The following CFAP96 variants were observed in gnomAD, a reference collection of about 807,000 sequenced individuals.
The protein encoded by CFAP96 is cilia-and flagella-associated protein 96.
At chr4:185,408,503 C>G in the CFAP96 span, 10 of 1,459,300 alleles carry the variant, frequency 6.9e-6, no homozygotes, top group Non-Finnish European at 9.4e-6. Flanking sequence ...ATATATGCTC[C>G]CGAATTATGT....
chr4:185,414,162 CAT>C, the CFAP96 span, among the ~76,000 whole-genome samples: 3 of 152,132 alleles, frequency 2.0e-5, no homozygotes, highest in Non-Finnish European at 2.9e-5. Context: ...TTTATTACAA[CAT>C]AGTCTGTTAA....
the CFAP96 span, among the ~76,000 whole-genome samples, chr4:185,440,016 C>A: frequency 9.1e-6 from 1 of 109,750 alleles, no homozygotes; most frequent in Non-Finnish European, 1.9e-5. Context: ...TATAGATAAT[C>A]TCATATATAC....
At chr4:185,440,577 C>A in the CFAP96 span, 3 of 1,533,986 alleles carry the variant, frequency 2.0e-6, no homozygotes, top group Non-Finnish European at 2.6e-6. Context: ...CTTAAAGGAG[C>A]ACCATTTAAG....
the CFAP96 span, among the ~76,000 whole-genome samples, chr4:185,427,289 G>C: frequency 8.1e-4 from 124 of 152,318 alleles, 1 homozygote; most frequent in Admixed American, 3.9e-3. Flanking sequence ...TGGTTTTAAA[G>C]CATCTCTGAT....
At chr4:185,425,884 G>C in the CFAP96 span, 2 of 1,600,512 alleles carry the variant, frequency 1.2e-6, no homozygotes, top group Non-Finnish European at 1.7e-6. Context: ...CGACGTGGCG[G>C]TGACACGGGC....
At chr4:185,439,813 A>ACT in the CFAP96 span, among the ~76,000 whole-genome samples, 125,061 of 147,394 alleles carry the variant, frequency 0.85, 53,962 homozygotes, top group East Asian at 0.99. Context: ...ATATACATAT[A>ACT]CTCATATATG....
At chr4:185,449,539 G>A in the CFAP96 span, 1 of 1,053,988 alleles carries the variant, frequency 9.5e-7, no homozygotes, top group Non-Finnish European at 1.4e-6. Flanking sequence ...AAAAAAGAAT[G>A]TACAGGTATT....
At chr4:185,422,475 G>T in the CFAP96 span, 42 of 1,599,148 alleles carry the variant, frequency 2.6e-5, no homozygotes, top group Non-Finnish European at 3.4e-5. Context: ...GAATTTTTCA[G>T]AAGACCTACC....
At chr4:185,409,576 T>C in the CFAP96 span, among the ~76,000 whole-genome samples, 2 of 152,186 alleles carry the variant, frequency 1.3e-5, no homozygotes, top group Non-Finnish European at 2.9e-5. Context: ...AGAGAATATA[T>C]ATTCTGCCCA....
At chr4:185,420,230 T>TTTG in the CFAP96 span, among the ~76,000 whole-genome samples, 1 of 152,234 alleles carries the variant, frequency 6.6e-6, no homozygotes, top group Admixed American at 6.5e-5. Flanking sequence ...TTTGCTTTAG[T>TTTG]TTGTTTTTGT....
At chr4:185,443,340 ATATTT>A in the CFAP96 span, among the ~76,000 whole-genome samples, 47 of 28,472 alleles carry the variant, frequency 1.7e-3, no homozygotes, top group South Asian at 0.012. Context: ...ATATATATAT[ATATTT>A]TTTTTTTTTT....
the CFAP96 span, among the ~76,000 whole-genome samples, chr4:185,445,791 CATT>C: frequency 6.6e-6 from 1 of 152,104 alleles, no homozygotes; most frequent in Non-Finnish European, 1.5e-5. Flanking sequence ...ATAATACTAA[CATT>C]AGTATTATTT....
chr4:185,439,878 TTATA>T, the CFAP96 span, among the ~76,000 whole-genome samples: 19 of 148,162 alleles, frequency 1.3e-4, no homozygotes, highest in Non-Finnish European at 2.2e-4. Context: ...TATAAAAATG[TTATA>T]TATACATATC....
the CFAP96 span, chr4:185,418,329 A>T: frequency 3.9e-6 from 3 of 766,070 alleles, no homozygotes; most frequent in Non-Finnish European, 6.0e-6. Context: ...CTTTTTGGAC[A>T]TCAATATTCT....
chr4:185,446,794 T>C, the CFAP96 span, among the ~76,000 whole-genome samples: 3 of 152,236 alleles, frequency 2.0e-5, no homozygotes, highest in African/African-American at 7.2e-5. Context: ...ATAAAAAAAA[T>C]TGAAGTTATC....
the CFAP96 span, among the ~76,000 whole-genome samples, chr4:185,440,881 A>G: frequency 1.3e-5 from 2 of 150,346 alleles, no homozygotes; most frequent in Non-Finnish European, 3.0e-5. Flanking sequence ...ATCACCAAGT[A>G]TGAATAGTGT....
chr4:185,425,698 C>A, the CFAP96 span, among the ~76,000 whole-genome samples: 1 of 152,090 alleles, frequency 6.6e-6, no homozygotes, highest in Admixed American at 6.5e-5. Flanking sequence ...TCCCCCCGGC[C>A]CAGCGCGGAG....
the CFAP96 span, chr4:185,413,604 G>C: frequency 4.1e-6 from 4 of 971,596 alleles, no homozygotes; most frequent in Non-Finnish European, 5.9e-6. Flanking sequence ...AACAGAGATG[G>C]GTGATAAATC....
chr4:185,445,243 G>A, the CFAP96 span: 3 of 983,070 alleles, frequency 3.1e-6, no homozygotes, highest in South Asian at 3.7e-5. Context: ...GACAAATGTG[G>A]GTGACTTTAG....
Sources: allele counts gnomAD v4.1 joint callset (sites outside exome capture counted in the v4.1 genomes callset), GRCh38; gene constraint gnomAD v4.1.1; transcripts MANE v1.5; gene names NCBI Gene and HGNC (gene_info 2026-07-23, HGNC 2026-07-21).